The following CNOT1 variants were observed in gnomAD, a reference collection of about 807,000 sequenced individuals.
CNOT1 encodes the protein CCR4-associated factor 1.
In CNOT1, 15 loss-of-function variants were observed where a neutral mutation model predicts 273.8. That is an observed-to-expected ratio of 0.05 (90% CI 0.04 to 0.08). The LOEUF is 0.08. Ranked by LOEUF, CNOT1 falls within the 10% of genes least tolerant of loss-of-function variation. The pLI is 1.00. For missense variants in CNOT1, 1,644 were observed against 2,912.2 expected, an observed-to-expected ratio of 0.56 and a Z score of 10.02; for synonymous variants, 1,022 against 1,005.5, an observed-to-expected ratio of 1.02 and a Z score of -0.31.
Position 58,543,828 on chromosome 16 carries a change from C to T in CNOT1, c.4213G>A (p.Val1405Ile), listed in dbSNP as rs765533328. 6.2e-7 allele frequency: 1 copy of T among 1,613,986 alleles called. No individual in the cohort carries two copies. Among genetic ancestry groups the T allele is most frequent in the Non-Finnish European group, 8.5e-7 (1 of 1,180,032 alleles). The change falls in exon 31 of 49, where the codon GTC (valine) becomes ATC (isoleucine). Residue 1405 changes from valine to isoleucine, a missense_variant. Val to Ile is a conservative substitution (Grantham distance 29). Transcript: ENST00000317147. ...QAIERAVQEL[V>I]HPVVDRSIKI... ...ATTGATCGATCCACCACAGGATGGA[C>T]CAGCTCCTGGACAGCCCGTTCAATT...
At chr16:58,593,484 G>A (rs1206625561) in intron 2 of CNOT1, among the ~76,000 whole-genome samples, 3 of 151,934 alleles carry the variant, frequency 2.0e-5, no homozygotes, top group African/African-American at 4.8e-5. Flanking sequence ...GCTTGAATCT[G>A]GGAGGTGGAG....
At chr16:58,545,967 T>C (rs531146607) in intron 29 of CNOT1, among the ~76,000 whole-genome samples, 5 of 152,304 alleles carry the variant, frequency 3.3e-5, no homozygotes, top group African/African-American at 1.2e-4. Context: ...TTGGCAGATC[T>C]AGCAGGTCTG....
chr16:58,554,696 G>T (rs747786143), intron 21 of CNOT1, among the ~76,000 whole-genome samples: 4 of 152,148 alleles, frequency 2.6e-5, no homozygotes, highest in Non-Finnish European at 4.4e-5. Context: ...AGCACTCTGG[G>T]AGGCCGAGGT....
At chr16:58,541,703 G>A in intron 33 of CNOT1, 83 bp from the exon 34 acceptor site, 1 of 1,356,888 alleles carries the variant, frequency 7.4e-7, no homozygotes. Context: ...CTGCATGTGG[G>A]TAAGCTCAGG....
intron 22 of CNOT1, 120 bp downstream of exon 22, chr16:58,553,662 T>C: frequency 7.9e-7 from 1 of 1,269,188 alleles, no homozygotes; most frequent in Non-Finnish European, 1.0e-6. Context: ...TGTACCTATA[T>C]CATGCCAATC....
chr16:58,599,047 T>C lies in CNOT1; in HGVS notation c.102+189A>G, dbSNP rs1295049561. 4 of 402,984 alleles carry C rather than the reference T, an allele frequency of 9.9e-6. No individual in the cohort carries two copies. In the Admixed American group the frequency reaches 2.0e-4, roughly 20 times the overall value. The allele number at this position is 402,984 out of a possible 1,614,324, so 25.0% of individuals were successfully genotyped here. ...GCCTGGACGACAGAGTAAGACTCTG[T>C]CTCAAAAAAAAAAAAAAAAAAAAGA... On this transcript the variant is annotated intron_variant, in intron 2 of 48. Coordinates refer to ENST00000317147, the MANE Select transcript of CNOT1 (RefSeq NM_016284.5).
At chr16:58,525,961 A>T in intron 45 of CNOT1, 28 bp downstream of exon 45, 1 of 1,605,382 alleles carries the variant, frequency 6.2e-7, no homozygotes, top group Non-Finnish European at 8.5e-7. Flanking sequence ...TGGAAGACGT[A>T]GATGAGTTTT....
chr16:58,521,838 A>G (rs1430834962), intron 47 of CNOT1, among the ~76,000 whole-genome samples: 1 of 152,084 alleles, frequency 6.6e-6, no homozygotes, highest in Non-Finnish European at 1.5e-5. Context: ...CTGTAATCCC[A>G]GCAGTCGGAC....
At chr16:58,610,092 A>G (rs1319857397) in intron 1 of CNOT1, among the ~76,000 whole-genome samples, 1 of 152,194 alleles carries the variant, frequency 6.6e-6, no homozygotes, top group Non-Finnish European at 1.5e-5. Context: ...GCTGTGTGTA[A>G]GAATTGGAAA....
At chr16:58,557,451 T>G (rs1227355547) in intron 18 of CNOT1, among the ~76,000 whole-genome samples, 1 of 152,180 alleles carries the variant, frequency 6.6e-6, no homozygotes, top group Non-Finnish European at 1.5e-5. Context: ...AAGGCCTTAA[T>G]AAGTTCAGTG....
chr16:58,617,503 A>T (rs560217486), intron 1 of CNOT1, among the ~76,000 whole-genome samples: 8 of 152,250 alleles, frequency 5.3e-5, no homozygotes, highest in Non-Finnish European at 1.2e-4. Flanking sequence ...GACACTCAAA[A>T]GAATACTCAT....
intron 1 of CNOT1, among the ~76,000 whole-genome samples, chr16:58,606,578 G>A (rs2042685663): frequency 6.6e-6 from 1 of 152,094 alleles, no homozygotes; most frequent in Admixed American, 6.6e-5. Context: ...CGAGACGGGA[G>A]GATCACCTGA....
intron 21 of CNOT1, among the ~76,000 whole-genome samples, chr16:58,554,639 A>G (rs1056229072): frequency 3.3e-5 from 5 of 152,156 alleles, no homozygotes; most frequent in Non-Finnish European, 5.9e-5. Flanking sequence ...ACTTATATTA[A>G]AAAAGAGAGG....
intron 1 of CNOT1, among the ~76,000 whole-genome samples, chr16:58,619,776 T>A (rs1378039359): frequency 6.6e-6 from 1 of 152,144 alleles, no homozygotes; most frequent in East Asian, 1.9e-4. Flanking sequence ...TTGTTTCTAG[T>A]CGTCCAAAAA....
intron 1 of CNOT1, among the ~76,000 whole-genome samples, chr16:58,622,604 T>C (rs1011076062): frequency 5.9e-5 from 9 of 151,918 alleles, no homozygotes; most frequent in Non-Finnish European, 8.8e-5. Flanking sequence ...CCCAACACTT[T>C]GGGAGGCTGA....
intron 46 of CNOT1, among the ~76,000 whole-genome samples, chr16:58,524,569 A>C (rs1428093418): frequency 2.0e-5 from 3 of 152,174 alleles, no homozygotes; most frequent in Non-Finnish European, 2.9e-5. Context: ...ACATCAATTC[A>C]TCTCTCAAGA....
At chr16:58,591,500 T>G (rs528731166) in intron 2 of CNOT1, among the ~76,000 whole-genome samples, 13 of 152,342 alleles carry the variant, frequency 8.5e-5, no homozygotes, top group African/African-American at 2.9e-4. Flanking sequence ...ATGCCTGTAA[T>G]CCCAGCAGTT....
intron 16 of CNOT1, among the ~76,000 whole-genome samples, chr16:58,562,065 T>C (rs1309382974): frequency 6.6e-6 from 1 of 151,672 alleles, no homozygotes; most frequent in Non-Finnish European, 1.5e-5. Context: ...GCCAGGCATG[T>C]GGCGGGCACC....
intron 1 of CNOT1, among the ~76,000 whole-genome samples, chr16:58,618,650 C>CAA (rs34816978): frequency 8.4e-4 from 118 of 140,690 alleles, no homozygotes; most frequent in Middle Eastern, 7.5e-3. Context: ...AACCCTGTCT[C>CAA]AAAAAAAAAA....
Sources: gnomAD v4.1 joint callset for allele counts (sites outside exome capture counted in the v4.1 genomes callset) on GRCh38, gnomAD v4.1.1 for gene constraint, MANE v1.5 for transcripts, NCBI Gene and HGNC (gene_info 2026-07-23, HGNC 2026-07-21) for gene names.